IFT74: variants seen among roughly 807,000 people sequenced by gnomAD.
IFT74 encodes the protein intraflagellar transport protein 74 homolog.
A neutral mutation model predicts 96.7 loss-of-function variants in IFT74; 92 were observed. That is an observed-to-expected ratio of 0.95 (90% CI 0.80 to 1.13). The LOEUF (loss-of-function observed/expected upper bound fraction) is 1.13, where lower values mean the gene tolerates loss of function less well. IFT74 is among the 50% of genes most tolerant of loss of function. IFT74 has a pLI of 0.00. For synonymous variants in IFT74, 223 were observed against 213.2 expected, an observed-to-expected ratio of 1.05 and a Z score of -0.40; for missense variants, 811 against 698.2, an observed-to-expected ratio of 1.16 and a Z score of -1.82.
chr9:26,948,461 T>A (rs1022072741), intron 1 of IFT74, among the ~76,000 whole-genome samples: 44 of 51,698 alleles, frequency 8.5e-4, no homozygotes, highest in East Asian at 2.8e-3. Flanking sequence ...TTTTTTTTTT[T>A]TTTTTTTTTT....
In IFT74 at chr9:27,047,318, C is replaced by T. The variant is rs200176242; in HGVS notation, c.1153C>T (p.Arg385Ter). Residue 385 changes from arginine to a stop codon, truncating the protein, a stop_gained, in exon 15 of 20, where the codon CGA becomes TGA. Transcript: ENST00000380062. LOFTEE classifies it high-confidence loss of function. ...GGAAACAAAGAATCAGGAACTGAAA[C>T]GAAAGGCACAGATAGAAGCCAACAT... is the stretch of plus-strand genomic sequence containing the variant. Reference protein sequence around the residue: ...FEETKNQELKRKAQIEANIVA... With the variant: ...FEETKNQELK The T allele has an allele frequency of 3.1e-5, 50 of 1,613,240 alleles. No individual in the cohort carries two copies. Among genetic ancestry groups the T allele is most frequent in the East Asian group, 4.5e-5 (2 of 44,834 alleles).
At chr9:27,037,083 G>C (rs1819238111) in intron 13 of IFT74, among the ~76,000 whole-genome samples, 1 of 152,042 alleles carries the variant, frequency 6.6e-6, no homozygotes, top group Non-Finnish European at 1.5e-5. Context: ...AGCCGGTAGT[G>C]GTGGTGGGCA....
At chr9:26,987,039 T>A (rs1827671116) in intron 6 of IFT74, among the ~76,000 whole-genome samples, 1 of 152,102 alleles carries the variant, frequency 6.6e-6, no homozygotes, top group Non-Finnish European at 1.5e-5. Context: ...GTGAGCAAAA[T>A]AGTTTTTTTT....
intron 13 of IFT74, among the ~76,000 whole-genome samples, chr9:27,033,866 AC>A (rs1830237515): frequency 6.6e-6 from 1 of 152,174 alleles, no homozygotes; most frequent in Non-Finnish European, 1.5e-5. Flanking sequence ...ATGTTATACA[AC>A]CAAAAGCAGT....
chr9:26,968,139 A>G lies in IFT74; in HGVS notation c.120+6052A>G, dbSNP rs115954998. Reference sequence around the variant, plus strand: ...GTTTGAAAGCATTTTCTCCTCTTCTATTTCTCAGAATAGTTTTAGTAGGAT... The same window carrying G: ...GTTTGAAAGCATTTTCTCCTCTTCTGTTTCTCAGAATAGTTTTAGTAGGAT... On this transcript the variant is annotated intron_variant, in intron 2 of 19. Coordinates refer to ENST00000380062, the MANE Select transcript of IFT74 (RefSeq NM_025103.4). Among the ~76,000 whole-genome samples, 889 of 140,452 alleles carry G rather than the reference A, an allele frequency of 6.3e-3. 3 individuals are homozygous for G. Among genetic ancestry groups the G allele is most frequent in the African/African-American group, 0.019 (726 of 38,168 alleles). The allele number at this position is 140,452 out of a possible 152,430, so 92.1% of individuals were successfully genotyped here. A position where few individuals can be genotyped will look rare whatever the true frequency, so the allele number is the denominator to read the frequency against.
chr9:26,987,398 T>C (rs1827687411), intron 6 of IFT74, among the ~76,000 whole-genome samples: 1 of 151,984 alleles, frequency 6.6e-6, no homozygotes, highest in African/African-American at 2.4e-5. Context: ...CCGAGAAAAG[T>C]AGTTTTTAAA....
At chr9:27,060,960 TCA>T (rs1491329676) in intron 19 of IFT74, 1 of 45,606 alleles carries the variant, frequency 2.2e-5, no homozygotes, top group Non-Finnish European at 3.5e-5. Context: ...AGACTCCATC[TCA>T]AAAAAAAAAA....
upstream of IFT74, among the ~76,000 whole-genome samples, chr9:26,953,721 G>C (rs1012583983): frequency 2.8e-5 from 4 of 140,986 alleles, no homozygotes; most frequent in Non-Finnish European, 4.6e-5. Flanking sequence ...ATGTTGCCCA[G>C]GCCAGTCTTG....
intron 6 of IFT74, among the ~76,000 whole-genome samples, chr9:26,985,801 T>G (rs1158962200): frequency 1.3e-5 from 2 of 152,208 alleles, no homozygotes; most frequent in South Asian, 2.1e-4. Context: ...TAAAAACACA[T>G]TTTTTATCAA....
At chr9:27,036,189 T>TGAGG (rs1819172715) in intron 13 of IFT74, among the ~76,000 whole-genome samples, 1 of 152,158 alleles carries the variant, frequency 6.6e-6, no homozygotes, top group African/African-American at 2.4e-5. Flanking sequence ...TTGAGTAGAC[T>TGAGG]GAGGAAGAGG....
intron 4 of IFT74, chr9:26,982,211 T>C (rs1827411205): frequency 3.6e-6 from 1 of 279,740 alleles, no homozygotes; most frequent in Non-Finnish European, 7.1e-6. Context: ...TTTACATAAG[T>C]ATGTATTTGG....
chr9:27,011,816 T>C (rs1223824966), intron 9 of IFT74, 90 bp from the exon 10 acceptor site: 1 of 658,282 alleles, frequency 1.5e-6, no homozygotes, highest in African/African-American at 1.9e-5. Context: ...AACAGAGAAA[T>C]AAATTTTTTT....
chr9:26,976,669 AG>A (rs2131521133), intron 2 of IFT74: 2 of 437,690 alleles, frequency 4.6e-6, no homozygotes, highest in South Asian at 3.3e-5. Flanking sequence ...ATCAGAAAGA[AG>A]AAAAAAGGAG....
At chr9:26,968,502 C>G (rs760347307) in intron 2 of IFT74, among the ~76,000 whole-genome samples, 1 of 152,132 alleles carries the variant, frequency 6.6e-6, no homozygotes, top group African/African-American at 2.4e-5. Context: ...CCTCGTGATC[C>G]GCCCACCTCA....
chr9:27,017,465 T>C (rs1829403772), intron 11 of IFT74, among the ~76,000 whole-genome samples: 1 of 152,168 alleles, frequency 6.6e-6, no homozygotes. Flanking sequence ...CAAGCAGTCC[T>C]CCCATTTCAG....
chr9:26,950,423 T>C (rs982922333), intron 1 of IFT74, among the ~76,000 whole-genome samples: 1 of 152,192 alleles, frequency 6.6e-6, no homozygotes, highest in African/African-American at 2.4e-5. Flanking sequence ...TCTAATCTTG[T>C]CTTATGAATG....
At chr9:27,016,857 A>G (rs1829365826) in intron 10 of IFT74, 50 bp from the exon 11 acceptor site, 1 of 1,431,108 alleles carries the variant, frequency 7.0e-7, no homozygotes, top group East Asian at 2.4e-5. Context: ...ATTTTAGAAT[A>G]ATTATTGATA....
chr9:27,010,045 A>G (rs1389408081), intron 9 of IFT74, among the ~76,000 whole-genome samples: 1 of 151,248 alleles, frequency 6.6e-6, no homozygotes, highest in East Asian at 2.0e-4. Context: ...GCTGGAGTGC[A>G]GTGCCCATCT....
In IFT74 at chr9:27,017,020, A is replaced by G. The variant is rs1829377941; in HGVS notation, c.903A>G (p.Pro301=). ...MIAEDKSIGS[P]MEEREKLLKQ... is the part of the protein sequence containing the mutation. ...CAGAAGACAAAAGCATAGGATCTCC[A>G]ATGGAAGAGAGAGAGAAATTACTTA... Residue 301 remains proline (P), a synonymous_variant, in exon 11 of 20, where the codon CCA becomes CCG. Coordinates refer to ENST00000380062, the MANE Select transcript of IFT74 (RefSeq NM_025103.4). 1.9e-6 allele frequency: 3 copies of G among 1,607,528 alleles called. No homozygotes were observed. Among genetic ancestry groups the G allele is most frequent in the African/African-American group, 2.7e-5 (2 of 74,736 alleles).
Sources: gnomAD v4.1 joint callset for allele counts (sites outside exome capture counted in the v4.1 genomes callset) on GRCh38, gnomAD v4.1.1 for gene constraint, MANE v1.5 for transcripts, NCBI Gene and HGNC (gene_info 2026-07-23, HGNC 2026-07-21) for gene names.